HTR1F: variants seen among roughly 807,000 people sequenced by gnomAD.
HTR1F encodes the protein 5-hydroxytryptamine receptor 1F, also known as 5-hydroxytryptamine (serotonin) receptor 1F, G protein-coupled.
A neutral mutation model predicts 24.0 loss-of-function variants in HTR1F; 17 were observed. The observed-to-expected ratio is 0.71, with a 90% confidence interval of 0.48 to 1.06. The LOEUF (loss-of-function observed/expected upper bound fraction) is 1.06. Among genes scored for constraint, HTR1F ranks in the 50% least tolerant of loss-of-function variants. The pLI is 0.00. For synonymous variants in HTR1F, 186 were observed against 156.8 expected (o/e 1.19, Z -1.39); for missense variants, 391 against 427.8 (o/e 0.91, Z 0.76).
chr3:87,902,614 A>C (rs1706351698), intron 2 of HTR1F, among the ~76,000 whole-genome samples: 3 of 151,796 alleles, frequency 2.0e-5, no homozygotes, highest in Non-Finnish European at 4.4e-5. Context: ...TATCATTATT[A>C]TACTTTAAGT....
At chr3:87,849,721 C>T (rs1705037290) in intron 2 of HTR1F, among the ~76,000 whole-genome samples, 1 of 151,730 alleles carries the variant, frequency 6.6e-6, no homozygotes, top group Non-Finnish European at 1.5e-5. Flanking sequence ...TGACAAAGGG[C>T]TAATATCCAG....
chr3:87,911,787 A>G (rs997237660), intron 2 of HTR1F, among the ~76,000 whole-genome samples: 1 of 152,172 alleles, frequency 6.6e-6, no homozygotes, highest in Non-Finnish European at 1.5e-5. Flanking sequence ...AATGTGATTA[A>G]CCACATAAAC....
At position 87,863,549 on chromosome 3, in the gene HTR1F, G is replaced by T. The variant is rs552555963; in HGVS notation, c.-43+41425G>T. On this transcript the variant is annotated intron_variant, in intron 2 of 2. Coordinates refer to ENST00000319595, the MANE Select transcript of HTR1F (RefSeq NM_001322209.2). Reference sequence around the variant, plus strand: ...AGATTTTCAGCCACTATATATCAGGGATTTATTTTTTTCCAGTTTCCAATA... The same window carrying T: ...AGATTTTCAGCCACTATATATCAGGTATTTATTTTTTTCCAGTTTCCAATA... Among the ~76,000 whole-genome samples the T allele has an allele frequency of 4.6e-5, 7 of 152,066 alleles. No individual in the cohort carries two copies. In the South Asian group the frequency reaches 1.5e-3, roughly 32 times the overall value.
intron 2 of HTR1F, among the ~76,000 whole-genome samples, chr3:87,977,952 C>A (rs1365796589): frequency 6.6e-6 from 1 of 152,218 alleles, no homozygotes; most frequent in Non-Finnish European, 1.5e-5. Flanking sequence ...GCTCATGCTA[C>A]TGGCCCAGAT....
At chr3:87,810,399 T>A (rs1204051968) in intron 1 of HTR1F, among the ~76,000 whole-genome samples, 1 of 152,128 alleles carries the variant, frequency 6.6e-6, no homozygotes, top group Non-Finnish European at 1.5e-5. Context: ...AATCACACAT[T>A]TCTGGATGTC....
intron 2 of HTR1F, among the ~76,000 whole-genome samples, chr3:87,882,066 TC>T (rs1308335335): frequency 6.6e-6 from 1 of 152,126 alleles, no homozygotes; most frequent in Non-Finnish European, 1.5e-5. Flanking sequence ...AACAGACACT[TC>T]TCAAAAGAGG....
At chr3:87,939,448 G>A (rs936547544) in intron 2 of HTR1F, among the ~76,000 whole-genome samples, 4 of 152,168 alleles carry the variant, frequency 2.6e-5, no homozygotes, top group African/African-American at 4.8e-5. Flanking sequence ...CAGAAGGAAT[G>A]GTACCAGCTC....
chr3:87,929,644 G>A, intron 2 of HTR1F, among the ~76,000 whole-genome samples: 1 of 152,218 alleles, frequency 6.6e-6, no homozygotes, highest in Middle Eastern at 3.4e-3. Context: ...TCTCTACTCA[G>A]TTCCATTGGT....
intron 2 of HTR1F, among the ~76,000 whole-genome samples, chr3:87,873,380 A>G (rs1705602698): frequency 6.6e-6 from 1 of 152,178 alleles, no homozygotes. Flanking sequence ...TGAAGGCCCA[A>G]GAAGCAGAAG....
chr3:87,850,972 T>C (rs1046728437), intron 2 of HTR1F, among the ~76,000 whole-genome samples: 1 of 151,718 alleles, frequency 6.6e-6, no homozygotes, highest in Non-Finnish European at 1.5e-5. Flanking sequence ...GTACTGTCTT[T>C]CTAAAAATTG....
intron 2 of HTR1F, among the ~76,000 whole-genome samples, chr3:87,882,932 C>T (rs1422797913): frequency 6.6e-6 from 1 of 152,310 alleles, no homozygotes; most frequent in African/African-American, 2.4e-5. Flanking sequence ...TGTCTGACTG[C>T]TCTGAAGAGA....
At chr3:87,867,957 C>G (rs1031540661) in intron 2 of HTR1F, among the ~76,000 whole-genome samples, 10 of 152,086 alleles carry the variant, frequency 6.6e-5, no homozygotes, top group African/African-American at 2.4e-4. Context: ...AACTGTAGCA[C>G]TAAGTAAACA....
intron 2 of HTR1F, among the ~76,000 whole-genome samples, chr3:87,968,075 A>G (rs1217570662): frequency 2.0e-5 from 3 of 152,194 alleles, no homozygotes; most frequent in African/African-American, 7.2e-5. Context: ...TCAGATGGAG[A>G]TGAGAAACTT....
chr3:87,843,783 T>A (rs1704868697), intron 2 of HTR1F, among the ~76,000 whole-genome samples: 1 of 151,040 alleles, frequency 6.6e-6, no homozygotes, highest in Admixed American at 6.6e-5. Context: ...CGGTGTTTGG[T>A]TTTCTGTTCT....
At chr3:87,944,131 G>T (rs1191193440) in intron 2 of HTR1F, among the ~76,000 whole-genome samples, 1 of 152,152 alleles carries the variant, frequency 6.6e-6, no homozygotes, top group Non-Finnish European at 1.5e-5. Flanking sequence ...CACAAAGAAA[G>T]GGGTCTGGGC....
intron 2 of HTR1F, among the ~76,000 whole-genome samples, chr3:87,854,756 T>C (rs531241866): frequency 1.6e-3 from 244 of 152,218 alleles, no homozygotes; most frequent in South Asian, 3.3e-3. Context: ...TGGTATACTC[T>C]TTTTGCATTT....
intron 2 of HTR1F, among the ~76,000 whole-genome samples, chr3:87,836,449 G>A (rs1368265135): frequency 6.6e-6 from 1 of 151,958 alleles, no homozygotes; most frequent in Non-Finnish European, 1.5e-5. Flanking sequence ...CTCAATTTTT[G>A]TTTGGAAAAT....
chr3:87,841,700 G>C (rs950286540), intron 2 of HTR1F, among the ~76,000 whole-genome samples: 6 of 151,702 alleles, frequency 4.0e-5, no homozygotes, highest in African/African-American at 1.5e-4. Flanking sequence ...AAGAGTTCGA[G>C]ACCAGCCTGG....
intron 2 of HTR1F, among the ~76,000 whole-genome samples, chr3:87,924,965 C>A (rs1001102234): frequency 1.3e-5 from 2 of 151,900 alleles, no homozygotes; most frequent in African/African-American, 2.4e-5. Context: ...GTTTACTATA[C>A]TTTCTTAAAT....
Sources: allele counts gnomAD v4.1 joint callset (sites outside exome capture counted in the v4.1 genomes callset), GRCh38; gene constraint gnomAD v4.1.1; transcripts MANE v1.5; gene names NCBI Gene and HGNC (gene_info 2026-07-23, HGNC 2026-07-21).